PTPRG: variants seen among roughly 807,000 people sequenced by gnomAD.
The protein encoded by PTPRG is protein tyrosine phosphatase receptor type G.
In PTPRG, 102 loss-of-function variants were observed where a neutral mutation model predicts 165.3. The observed-to-expected ratio is 0.62, with a 90% confidence interval of 0.53 to 0.73. The LOEUF (loss-of-function observed/expected upper bound fraction) is 0.73. PTPRG is among the 30% of genes least tolerant of loss of function. PTPRG has a pLI of 0.00. For missense variants in PTPRG, 1,866 were observed against 1,861.4 expected (o/e 1.00, Z -0.05); for synonymous variants, 675 against 669.5 (o/e 1.01, Z -0.13).
intron 4 of PTPRG, among the ~76,000 whole-genome samples, chr3:62,020,198 A>G (rs779200684): frequency 6.6e-6 from 1 of 152,178 alleles, no homozygotes; most frequent in Non-Finnish European, 1.5e-5. Context: ...CACTTTGCAT[A>G]TTGTGAATAT....
intron 2 of PTPRG, among the ~76,000 whole-genome samples, chr3:61,926,480 T>C (rs770292521): frequency 1.3e-4 from 20 of 151,982 alleles, no homozygotes; most frequent in Middle Eastern, 3.2e-3. Flanking sequence ...AGAAGCCAAG[T>C]AGGTTGCAAT....
At chr3:62,080,678 A>G (rs1450019306) in intron 5 of PTPRG, among the ~76,000 whole-genome samples, 1 of 152,208 alleles carries the variant, frequency 6.6e-6, no homozygotes, top group South Asian at 2.1e-4. Flanking sequence ...TGGAAGGACT[A>G]GTTTATGGCA....
chr3:62,286,125 A>G (rs1702650653), intron 28 of PTPRG, among the ~76,000 whole-genome samples: 1 of 152,170 alleles, frequency 6.6e-6, no homozygotes. Context: ...TTTTTATTTT[A>G]ATTTGGCCCT....
At chr3:61,604,488 C>G (rs1700947919) in intron 1 of PTPRG, among the ~76,000 whole-genome samples, 1 of 152,146 alleles carries the variant, frequency 6.6e-6, no homozygotes, top group African/African-American at 2.4e-5. Flanking sequence ...ACATTAAAGG[C>G]CCATATGTCT....
At chr3:61,855,220 G>C (rs901583619) in intron 2 of PTPRG, among the ~76,000 whole-genome samples, 2 of 152,152 alleles carry the variant, frequency 1.3e-5, no homozygotes, top group African/African-American at 4.8e-5. Flanking sequence ...AAAAGTAATA[G>C]TATAGAAAGC....
chr3:61,876,914 C>G (rs918585836), intron 2 of PTPRG, among the ~76,000 whole-genome samples: 1 of 151,730 alleles, frequency 6.6e-6, no homozygotes, highest in African/African-American at 2.4e-5. Flanking sequence ...ATTTACTTAA[C>G]TTAAGTAGTC....
intron 4 of PTPRG, among the ~76,000 whole-genome samples, chr3:62,067,892 A>G (rs1427334540): frequency 1.3e-5 from 2 of 152,106 alleles, no homozygotes; most frequent in Admixed American, 6.5e-5. Flanking sequence ...AGACATGGCC[A>G]TATTTCCACT....
chr3:62,106,232 G>T (rs1270676093), intron 5 of PTPRG, among the ~76,000 whole-genome samples: 2 of 152,140 alleles, frequency 1.3e-5, no homozygotes, highest in Admixed American at 6.6e-5. Context: ...GAGAAGGTTG[G>T]GGAGGGCATC....
intron 4 of PTPRG, among the ~76,000 whole-genome samples, chr3:62,023,315 A>G (rs1381492198): frequency 6.6e-6 from 1 of 152,212 alleles, no homozygotes; most frequent in South Asian, 2.1e-4. Context: ...AGATAGAATT[A>G]ATCAAAAACA....
intron 5 of PTPRG, among the ~76,000 whole-genome samples, chr3:62,100,277 C>G (rs1213130352): frequency 1.3e-5 from 2 of 152,040 alleles, no homozygotes; most frequent in African/African-American, 4.8e-5. Flanking sequence ...GCTCTGGTGA[C>G]CTGTGTGGTG....
intron 2 of PTPRG, among the ~76,000 whole-genome samples, chr3:61,817,735 G>C (rs920818233): frequency 6.6e-6 from 1 of 152,092 alleles, no homozygotes; most frequent in East Asian, 1.9e-4. Flanking sequence ...AAGTGTGCTG[G>C]GCCTACTTGG....
intron 2 of PTPRG, among the ~76,000 whole-genome samples, chr3:61,877,802 C>T (rs1408895715): frequency 6.6e-6 from 1 of 152,124 alleles, no homozygotes; most frequent in Non-Finnish European, 1.5e-5. Flanking sequence ...AAACTCTGAA[C>T]AAACTGTGTG....
chr3:61,753,601 T>TTTG, intron 2 of PTPRG: 25 of 441,368 alleles, frequency 5.7e-5, no homozygotes, highest in South Asian at 9.7e-5. Flanking sequence ...TTTTTTTTTT[T>TTTG]GGAGATTGGA....
At chr3:61,866,555 G>A (rs2037413085) in intron 2 of PTPRG, among the ~76,000 whole-genome samples, 1 of 139,562 alleles carries the variant, frequency 7.2e-6, no homozygotes, top group Admixed American at 7.3e-5. Context: ...CTTACACAGA[G>A]CTTCCCTGGC....
intron 2 of PTPRG, among the ~76,000 whole-genome samples, chr3:61,861,524 A>G (rs2037270789): frequency 6.6e-6 from 1 of 152,216 alleles, no homozygotes; most frequent in Admixed American, 6.5e-5. Flanking sequence ...CACATAAAAG[A>G]CAATGAAGCA....
chr3:61,840,117 A>G (rs1050857498), intron 2 of PTPRG, among the ~76,000 whole-genome samples: 1 of 152,210 alleles, frequency 6.6e-6, no homozygotes, highest in Non-Finnish European at 1.5e-5. Flanking sequence ...TTGATATTAT[A>G]TCATAAACAT....
intron 2 of PTPRG, among the ~76,000 whole-genome samples, chr3:61,829,450 C>G (rs2036208668): frequency 6.6e-6 from 1 of 152,246 alleles, no homozygotes; most frequent in African/African-American, 2.4e-5. Context: ...TCATGCCTCA[C>G]TTAGCCCGAT....
chr3:61,886,355 C>G (rs1445319146), intron 2 of PTPRG, among the ~76,000 whole-genome samples: 5 of 152,162 alleles, frequency 3.3e-5, no homozygotes, highest in Admixed American at 6.5e-5. Context: ...GTTTTCAAGT[C>G]TCAATGACTA....
At position 61,765,466 on chromosome 3, in the gene PTPRG, T is replaced by C. The variant is rs1164504271; in HGVS notation, c.190+16484T>C. Among the ~76,000 whole-genome samples the C allele has an allele frequency of 3.3e-5, 5 of 152,184 alleles. No homozygotes were observed. The East Asian group carries it at 5.8e-4, about 18-fold the overall frequency. Reference sequence around the variant, plus strand: ...TCTAAGAGGCCGTTAGGAAATAATATTCATCTTAGTATTGCTAACCATGAA... The same window carrying C: ...TCTAAGAGGCCGTTAGGAAATAATACTCATCTTAGTATTGCTAACCATGAA... On this transcript the variant is annotated intron_variant, in intron 2 of 29. Coordinates refer to ENST00000474889, the MANE Select transcript of PTPRG (RefSeq NM_002841.4).
Sources: gnomAD v4.1 joint callset for allele counts (sites outside exome capture counted in the v4.1 genomes callset) on GRCh38, gnomAD v4.1.1 for gene constraint, MANE v1.5 for transcripts, NCBI Gene and HGNC (gene_info 2026-07-23, HGNC 2026-07-21) for gene names.